The following CDS2 variants were observed in gnomAD, a reference collection of about 807,000 sequenced individuals.
CDS2 encodes CDP-diacylglycerol synthase 2.
In CDS2, 47 loss-of-function variants were observed where a neutral mutation model predicts 59.0. The ratio of observed to expected loss-of-function variants is 0.80; its 90% CI spans 0.63 to 1.02. The LOEUF is 1.02. CDS2 is among the 50% of genes least tolerant of loss of function. The pLI is 0.00. For missense variants in CDS2, 356 were observed against 558.9 expected (o/e 0.64, Z 3.66); for synonymous variants, 207 against 206.4 (o/e 1.00, Z -0.02).
intron 1 of CDS2, among the ~76,000 whole-genome samples, chr20:5,133,209 T>C (rs1051089422): frequency 6.6e-6 from 1 of 152,150 alleles, no homozygotes; most frequent in East Asian, 1.9e-4. Context: ...TTAAAAAATG[T>C]TAAATTGCTC....
chr20:5,186,669 T>C lies in CDS2; in HGVS notation c.829-18T>C, dbSNP rs754157733. ...TGGAACTTACTTCCTTGCCGGTCTCTCTGTTATTCCTCCTCAGCTGTCCTA... is the reference window on the plus strand; with the variant it reads ...TGGAACTTACTTCCTTGCCGGTCTCCCTGTTATTCCTCCTCAGCTGTCCTA... On this transcript the variant is annotated intron_variant, in intron 9 of 12. Coordinates refer to ENST00000460006, the MANE Select transcript of CDS2 (RefSeq NM_003818.4). The C allele has an allele frequency of 1.9e-6, 3 of 1,612,978 alleles. No individual in the cohort carries two copies. In the African/African-American group the frequency reaches 4.0e-5, roughly 22 times the overall value.
intron 1 of CDS2, among the ~76,000 whole-genome samples, chr20:5,164,071 C>T (rs1176725923): frequency 3.3e-5 from 5 of 151,930 alleles, no homozygotes; most frequent in Non-Finnish European, 7.4e-5. Context: ...ATTAGAGGCA[C>T]GAGCCACCGC....
intron 7 of CDS2, 91 bp downstream of exon 7, chr20:5,183,234 G>A: frequency 3.8e-6 from 4 of 1,045,854 alleles, no homozygotes; most frequent in Non-Finnish European, 5.9e-6. Flanking sequence ...CTCACCTTGA[G>A]CCACATCAGA....
chr20:5,181,849 A>G (rs1237442325), intron 5 of CDS2, among the ~76,000 whole-genome samples: 1 of 152,262 alleles, frequency 6.6e-6, no homozygotes, highest in Non-Finnish European at 1.5e-5. Context: ...CTAAACATAG[A>G]AAAGGTACTA....
chr20:5,146,717 C>T (rs1201522075), intron 1 of CDS2, among the ~76,000 whole-genome samples: 3 of 152,150 alleles, frequency 2.0e-5, no homozygotes, highest in Non-Finnish European at 4.4e-5. Flanking sequence ...AAATTTCAGG[C>T]TTTTATACCA....
In CDS2 at chr20:5,186,812, T is replaced by TG; in HGVS notation, c.958dup (p.Val320GlyfsTer46). The TG allele has an allele frequency of 6.2e-7, 1 of 1,614,116 alleles. No individual in the cohort carries two copies. The highest frequency in any genetic ancestry group is 8.5e-7 in the Non-Finnish European group (1 of 1,180,018). On this transcript the variant is annotated frameshift_variant, in exon 10 of 13. Coordinates refer to ENST00000460006, the MANE Select transcript of CDS2 (RefSeq NM_003818.4). LOFTEE classifies it high-confidence loss of function. ...TTCGCCTGCAGGAGTACAACATTCC[T>TG]GGGGTGATCCAGTCAGTCATTGGCT...
At chr20:5,170,007 G>C (rs1257229767) in intron 1 of CDS2, among the ~76,000 whole-genome samples, 1 of 151,858 alleles carries the variant, frequency 6.6e-6, no homozygotes, top group East Asian at 1.9e-4. Context: ...AGGCTACTCA[G>C]GGGAGTGCGG....
chr20:5,182,180 T>C (rs960620845), intron 5 of CDS2, among the ~76,000 whole-genome samples: 2 of 152,242 alleles, frequency 1.3e-5, no homozygotes, highest in African/African-American at 4.8e-5. Flanking sequence ...TTATAAAATA[T>C]TGCCTTCCTT....
chr20:5,166,049 G>A (rs2090911368), intron 1 of CDS2, among the ~76,000 whole-genome samples: 1 of 152,180 alleles, frequency 6.6e-6, no homozygotes, highest in Admixed American at 6.5e-5. Context: ...GATGGAGAGT[G>A]ACACAATCAG....
At position 5,189,174 on chromosome 20, in the gene CDS2, C is replaced by T; in HGVS notation, c.1089C>T (p.Ala363=). 1 of 1,614,110 alleles carries T rather than the reference C, an allele frequency of 6.2e-7. No homozygotes were observed. Among genetic ancestry groups the T allele is most frequent in the Non-Finnish European group, 8.5e-7 (1 of 1,180,002 alleles). Residue 363 remains alanine, a synonymous_variant, in exon 11 of 13, where the codon GCC becomes GCT. Transcript: ENST00000460006. ...TCTTCGCAAGTGGATTCAAACGAGC[C>T]TTTAAAATCAAAGTAGGAAAACCGT... is the stretch of plus-strand genomic sequence containing the variant. ...GGFFASGFKR[A]FKIKDFANTI...
intron 5 of CDS2, among the ~76,000 whole-genome samples, chr20:5,180,567 C>T (rs946803612): frequency 6.6e-6 from 1 of 152,052 alleles, no homozygotes; most frequent in Non-Finnish European, 1.5e-5. Flanking sequence ...TCATTGCTAT[C>T]TTGATTTTGG....
Position 5,152,888 on chromosome 20 carries a change from T to G in CDS2, c.58-20635T>G, listed in dbSNP as rs571588168. Among the ~76,000 whole-genome samples, 26 of 152,306 alleles carry G rather than the reference T, an allele frequency of 1.7e-4. 1 individual carries two copies. Among genetic ancestry groups the G allele is most frequent in the African/African-American group, 5.8e-4 (24 of 41,566 alleles). ...CTTGGTGTGGGTAAGTCTCAAAATA[T>G]AAGTGGAGTAACTGGAAAAGCATGC... On this transcript the variant is annotated intron_variant, in intron 1 of 12. Transcript: ENST00000460006.
chr20:5,176,609 T>C (rs764333595), intron 3 of CDS2, 39 bp from the exon 4 acceptor site: 3 of 1,512,904 alleles, frequency 2.0e-6, no homozygotes, highest in South Asian at 2.2e-5. Flanking sequence ...CCAAAAATCA[T>C]AAGAATTGGG....
chr20:5,182,508 A>C, intron 6 of CDS2, 63 bp downstream of exon 6: 1 of 1,439,116 alleles, frequency 6.9e-7, no homozygotes, highest in Non-Finnish European at 9.7e-7. Context: ...TCAGGAACTC[A>C]ACAAGCCTTT....
intron 1 of CDS2, among the ~76,000 whole-genome samples, chr20:5,154,900 G>C (rs937688139): frequency 2.6e-5 from 4 of 152,180 alleles, no homozygotes; most frequent in Non-Finnish European, 5.9e-5. Flanking sequence ...CGCCTGCCTT[G>C]GCCTCCCAAA....
intron 1 of CDS2, among the ~76,000 whole-genome samples, chr20:5,135,456 G>GTA (rs982724925): frequency 2.2e-5 from 3 of 139,400 alleles, no homozygotes; most frequent in African/African-American, 1.0e-4. Flanking sequence ...CTGTTTGTGT[G>GTA]TCATACTGCC....
chr20:5,172,624 C>T (rs374370301), intron 1 of CDS2, among the ~76,000 whole-genome samples: 1 of 152,164 alleles, frequency 6.6e-6, no homozygotes, highest in South Asian at 2.1e-4. Flanking sequence ...GGGGCTTCTC[C>T]TGTCCCTTCC....
intron 1 of CDS2, among the ~76,000 whole-genome samples, chr20:5,156,454 G>A (rs921715245): frequency 6.6e-6 from 1 of 152,134 alleles, no homozygotes; most frequent in Non-Finnish European, 1.5e-5. Context: ...CATAACTCGT[G>A]TTATGGGAGC....
chr20:5,172,964 C>G (rs541280817), intron 1 of CDS2, among the ~76,000 whole-genome samples: 3 of 152,292 alleles, frequency 2.0e-5, no homozygotes, highest in Non-Finnish European at 4.4e-5. Flanking sequence ...CTGAGGTGCA[C>G]CAGTCCTGGC....
Sources: allele counts gnomAD v4.1 joint callset (sites outside exome capture counted in the v4.1 genomes callset), GRCh38; gene constraint gnomAD v4.1.1; transcripts MANE v1.5; gene names NCBI Gene and HGNC (gene_info 2026-07-23, HGNC 2026-07-21).